The following STX17 variants were observed in gnomAD, a reference collection of about 807,000 sequenced individuals.
STX17 encodes syntaxin 17, also known as syntaxin-17.
In STX17, 29 loss-of-function variants were observed where a neutral mutation model predicts 35.9. The observed-to-expected ratio is 0.81, with a 90% CI of 0.60 to 1.10. The LOEUF (loss-of-function observed/expected upper bound fraction) is 1.10, where lower values mean the gene tolerates loss of function less well. Among genes scored for constraint, STX17 ranks in the 50% least tolerant of loss-of-function variants. The pLI is 0.00. For synonymous variants in STX17, 92 were observed against 118.3 expected (o/e 0.78, Z 1.44); for missense variants, 312 against 352.3 (o/e 0.89, Z 0.92).
rs528774463 is a variant in STX17, at chr9:99,929,910, C to CTTTTTTTTTTTTT, written c.189+1075_189+1087dup. ...TGTCAGTAATATTTCTTTTTCTTTTCTTTTTTTTTTTTTTTTTTTTGCAAC... is the reference window on the plus strand; with the variant it reads ...TGTCAGTAATATTTCTTTTTCTTTTCTTTTTTTTTTTTTTTTTTTTTTTTTTTTTTTTTGCAAC... On this transcript the variant is annotated intron_variant, in intron 3 of 7. Transcript: ENST00000259400. 4.0e-4 allele frequency: 47 copies of CTTTTTTTTTTTTT among 118,352 alleles called. 1 individual carries two copies. The highest frequency in any genetic ancestry group is 1.1e-3 in the Admixed American group (12 of 10,566). 7.3% of individuals were successfully genotyped at this position (118,352 alleles called of 1,614,324 possible).
At chr9:99,923,574 A>G (rs1369411957) in intron 2 of STX17, among the ~76,000 whole-genome samples, 2 of 152,198 alleles carry the variant, frequency 1.3e-5, no homozygotes, top group Non-Finnish European at 2.9e-5. Flanking sequence ...CAAGCAAGCA[A>G]TCAGTTCAAC....
intron 1 of STX17, among the ~76,000 whole-genome samples, chr9:99,908,587 T>G (rs1436549163): frequency 2.6e-5 from 4 of 152,248 alleles, no homozygotes; most frequent in Non-Finnish European, 4.4e-5. Flanking sequence ...GGTTGCTTTC[T>G]GTAGCTTTTC....
intron 3 of STX17, among the ~76,000 whole-genome samples, chr9:99,944,781 G>A (rs1829443890): frequency 6.6e-6 from 1 of 152,024 alleles, no homozygotes; most frequent in Non-Finnish European, 1.5e-5. Flanking sequence ...CTCCCAAAGT[G>A]TTAGGATTAC....
At chr9:99,958,049 A>C (rs1829749581) in intron 4 of STX17, among the ~76,000 whole-genome samples, 1 of 152,184 alleles carries the variant, frequency 6.6e-6, no homozygotes, top group South Asian at 2.1e-4. Flanking sequence ...CTTTTGTGAA[A>C]AGCAAAACTG....
Position 99,968,504 on chromosome 9 carries a change from T to C in STX17, c.740T>C (p.Ile247Thr), listed in dbSNP as rs146095659. 1.2e-4 allele frequency: 193 copies of C among 1,612,758 alleles called. 1 individual carries two copies. The African/African-American group carries it at 2.1e-3, about 17-fold the overall frequency. Residue 247 changes from isoleucine to threonine, a missense_variant, in exon 8 of 8, where the codon ATT becomes ACT. Ile to Thr is a moderately conservative substitution (Grantham distance 89). Transcript: ENST00000259400. ...ATCGGGGGAATGGTAGGGGGTCCTA[T>C]TGGCCTCCTTGCAGGCTTCAAAGTG... The part of the protein sequence containing the change: ...ALIGGMVGGP[I>T]GLLAGFKVAG...
intron 3 of STX17, chr9:99,938,143 C>T (rs1221182896): frequency 6.6e-6 from 1 of 152,188 alleles, no homozygotes; most frequent in Admixed American, 6.5e-5. Flanking sequence ...GGGTAATTTC[C>T]TCACATACAT....
chr9:99,925,458 T>C (rs567926371), intron 2 of STX17, among the ~76,000 whole-genome samples: 1 of 152,322 alleles, frequency 6.6e-6, no homozygotes, highest in South Asian at 2.1e-4. Context: ...CTTCGTTCAT[T>C]TGTGTAGAAT....
chr9:99,935,339 A>T (rs1405091876), intron 3 of STX17, among the ~76,000 whole-genome samples: 1 of 151,970 alleles, frequency 6.6e-6, no homozygotes, highest in Non-Finnish European at 1.5e-5. Context: ...CAAAAAAAAA[A>T]AAAAAAAAAG....
intron 1 of STX17, among the ~76,000 whole-genome samples, chr9:99,907,660 CTT>C (rs753877285): frequency 6.6e-6 from 1 of 152,118 alleles, no homozygotes; most frequent in Non-Finnish European, 1.5e-5. Context: ...TACTAAAAAA[CTT>C]TTTTATTTTG....
intron 1 of STX17, chr9:99,907,349 G>T (rs1828572452): frequency 6.6e-6 from 1 of 152,214 alleles, no homozygotes; most frequent in Non-Finnish European, 1.5e-5. Flanking sequence ...AAGAAATCGG[G>T]CGCCACTAGT....
chr9:99,925,011 T>C (rs1310023933), intron 2 of STX17, among the ~76,000 whole-genome samples: 1 of 152,194 alleles, frequency 6.6e-6, no homozygotes, highest in Admixed American at 6.5e-5. Flanking sequence ...AATGATTATC[T>C]TTAAATCTAC....
chr9:99,964,589 C>T (rs1829881738), intron 6 of STX17, among the ~76,000 whole-genome samples: 1 of 151,986 alleles, frequency 6.6e-6, no homozygotes, highest in Non-Finnish European at 1.5e-5. Flanking sequence ...TGTGGGAGGC[C>T]TAAGCAGATG....
At chr9:99,941,395 C>T (rs557042190) in intron 3 of STX17, among the ~76,000 whole-genome samples, 6 of 152,230 alleles carry the variant, frequency 3.9e-5, no homozygotes, top group Admixed American at 2.0e-4. Flanking sequence ...GCTTCAACCT[C>T]GTTTCTGTCC....
rs1829892560 is a variant in STX17 at position 99,965,248 on chromosome 9, T to G, written c.583-2405T>G. On this transcript the variant is annotated intron_variant, in intron 6 of 7. Transcript: ENST00000259400. ...CAAATGATTTTTATGAAAAAATATT[T>G]AAATTATTTTAAAATTTTGCTTTAA... is the stretch of plus-strand genomic sequence containing the variant. Among the ~76,000 whole-genome samples, 3 of 149,302 alleles carry G rather than the reference T, an allele frequency of 2.0e-5. No homozygotes were observed. The South Asian group carries it at 6.2e-4, about 31-fold the overall frequency.
At chr9:99,941,275 A>G (rs796968959) in intron 3 of STX17, among the ~76,000 whole-genome samples, 5 of 152,304 alleles carry the variant, frequency 3.3e-5, no homozygotes, top group African/African-American at 9.6e-5. Context: ...AAGAAATTAG[A>G]CACAATCCCC....
At chr9:99,936,244 G>T (rs941669810) in intron 3 of STX17, among the ~76,000 whole-genome samples, 53 of 152,294 alleles carry the variant, frequency 3.5e-4, no homozygotes, top group African/African-American at 1.3e-3. Context: ...GAGTGGAATG[G>T]CTGGAACATA....
rs770089186 is a variant in STX17 at position 99,969,460 on chromosome 9, C to G, written c.*787C>G. The G allele has an allele frequency of 2.6e-5, 4 of 152,054 alleles. No individual in the cohort carries two copies. Among genetic ancestry groups the G allele is most frequent in the Non-Finnish European group, 4.4e-5 (3 of 68,016 alleles). The allele number at this position is 152,054 out of a possible 1,614,324, so 9.4% of individuals were successfully genotyped here. On this transcript the variant is annotated 3_prime_UTR_variant, in exon 8 of 8. Coordinates refer to ENST00000259400, the MANE Select transcript of STX17 (RefSeq NM_017919.3). ...CTTTGGTTTCTGGGGTGAATTCTAC[C>G]CATGTATAATGAGGAATTCTCTCAT...
chr9:99,962,129 G>A (rs939291227), intron 6 of STX17, among the ~76,000 whole-genome samples: 3 of 151,830 alleles, frequency 2.0e-5, no homozygotes, highest in African/African-American at 2.4e-5. Flanking sequence ...TAATTTCTAG[G>A]CTTCTCAATA....
intron 3 of STX17, among the ~76,000 whole-genome samples, chr9:99,946,123 T>C (rs1311560326): frequency 6.6e-6 from 1 of 152,094 alleles, no homozygotes; most frequent in East Asian, 1.9e-4. Flanking sequence ...AATGGATAGT[T>C]GCATCTGTAC....
Sources: gnomAD v4.1 joint callset for allele counts (sites outside exome capture counted in the v4.1 genomes callset) on GRCh38, gnomAD v4.1.1 for gene constraint, MANE v1.5 for transcripts, NCBI Gene and HGNC (gene_info 2026-07-23, HGNC 2026-07-21) for gene names.